OSBPL6: variants seen among roughly 807,000 people sequenced by gnomAD.
The protein encoded by OSBPL6 is oxysterol-binding protein-related protein 6.
OSBPL6 carries 49 observed loss-of-function variants against 125.8 expected under a neutral mutation model. That is an observed-to-expected ratio of 0.39 (90% CI 0.31 to 0.49). OSBPL6 has a LOEUF of 0.49. Among genes scored for constraint, OSBPL6 ranks in the 20% least tolerant of loss-of-function variants. The probability of loss-of-function intolerance (pLI) is 0.88; values close to 1 mark genes in which losing one functional copy is unlikely to be tolerated. For missense variants in OSBPL6, 986 were observed against 1,135.4 expected (o/e 0.87, Z 1.89); for synonymous variants, 394 against 391.8 (o/e 1.01, Z -0.07).
chr2:178,282,745 G>A (rs1434357117), intron 1 of OSBPL6, among the ~76,000 whole-genome samples: 2 of 152,114 alleles, frequency 1.3e-5, no homozygotes, highest in African/African-American at 2.4e-5. Flanking sequence ...TCTACCTCCC[G>A]GTTTCAAGCG....
At chr2:178,195,688 G>C (rs1188724268) in intron 1 of OSBPL6, among the ~76,000 whole-genome samples, 2 of 152,152 alleles carry the variant, frequency 1.3e-5, no homozygotes, top group African/African-American at 4.8e-5. Flanking sequence ...GAACCCACTG[G>C]GTTGCCAGAT....
At chr2:178,386,957 T>C (rs1694994199) in intron 19 of OSBPL6, 104 bp from the exon 20 acceptor site, 1 of 620,836 alleles carries the variant, frequency 1.6e-6, no homozygotes, top group African/African-American at 1.9e-5. Flanking sequence ...GAATCAGTTG[T>C]CATTCCAAAG....
At chr2:178,333,584 C>G (rs1689417662) in intron 8 of OSBPL6, among the ~76,000 whole-genome samples, 1 of 151,888 alleles carries the variant, frequency 6.6e-6, no homozygotes. Context: ...GTTAATTTTC[C>G]CTTTTATGAA....
rs191998092 is a variant in OSBPL6, at chr2:178,239,644, G to T, written c.-351+44970G>T. Among the ~76,000 whole-genome samples, 70 of 134,442 alleles carry T rather than the reference G, an allele frequency of 5.2e-4. No individual in the cohort carries two copies. In the East Asian group the frequency reaches 0.01, roughly 19 times the overall value. The allele number at this position is 134,442 out of a possible 152,430, so 88.2% of individuals were successfully genotyped here. On this transcript the variant is annotated intron_variant, in intron 1 of 24. Coordinates refer to ENST00000190611, the MANE Select transcript of OSBPL6 (RefSeq NM_032523.4). ...TATTTATTTATTTATTTATTTATTT[G>T]CGATGGAGTCTCGCTCTGTCGCCCA...
intron 1 of OSBPL6, among the ~76,000 whole-genome samples, chr2:178,271,605 CTG>C (rs771695969): frequency 1.3e-5 from 2 of 152,272 alleles, no homozygotes; most frequent in East Asian, 1.9e-4. Flanking sequence ...ATTTCAAAAA[CTG>C]TATAATTTAT....
intron 1 of OSBPL6, among the ~76,000 whole-genome samples, chr2:178,195,126 G>A (rs966818288): frequency 2.0e-5 from 3 of 152,184 alleles, no homozygotes; most frequent in Non-Finnish European, 2.9e-5. Flanking sequence ...GCCCGCGCCC[G>A]CGAGAGCTAA....
chr2:178,240,294 C>T (rs570958456), intron 1 of OSBPL6, among the ~76,000 whole-genome samples: 6 of 152,186 alleles, frequency 3.9e-5, no homozygotes, highest in East Asian at 1.9e-4. Context: ...AGTCTGGGTG[C>T]GGTGGCTCAC....
rs895908858 is a variant in OSBPL6, at chr2:178,389,044, C to T, written c.2192C>T (p.Thr731Ile). ...TACTATGTGTGGAATAAAGTCACCA[C>T]TTGCATACACAACATCCTCAGTGGG... ...GDYYVWNKVT[T>I]CIHNILSGRR... The change falls in exon 21 of 25, where the codon ACT becomes ATT. Residue 731 changes from threonine (T) to isoleucine (I), a missense_variant. Physicochemically the swap from Thr to Ile is moderately conservative, Grantham distance 89. Coordinates refer to ENST00000190611, the MANE Select transcript of OSBPL6 (RefSeq NM_032523.4). The T allele has an allele frequency of 6.2e-7, 1 of 1,613,982 alleles. No homozygotes were observed. Among genetic ancestry groups the T allele is most frequent in the Non-Finnish European group, 8.5e-7 (1 of 1,179,954 alleles).
At position 178,222,353 on chromosome 2, in the gene OSBPL6, A is replaced by G. The variant is rs1466938119; in HGVS notation, c.-351+27679A>G. Among the ~76,000 whole-genome samples the G allele has an allele frequency of 7.2e-5, 11 of 152,224 alleles. No homozygotes were observed. The South Asian group carries it at 1.2e-3, about 17-fold the overall frequency. ...AAAACAAAGGTTTGCTGATAAAATA[A>G]AACAGAATCGGCTGGGCGCGGTGGC... On this transcript the variant is annotated intron_variant, in intron 1 of 24. Transcript: ENST00000190611.
intron 1 of OSBPL6, among the ~76,000 whole-genome samples, chr2:178,257,222 A>T (rs1204355073): frequency 3.3e-5 from 5 of 152,124 alleles, no homozygotes; most frequent in Non-Finnish European, 7.3e-5. Flanking sequence ...AACTATAAAC[A>T]TGAATTATCC....
intron 3 of OSBPL6, among the ~76,000 whole-genome samples, chr2:178,323,115 C>T (rs528785921): frequency 9.2e-5 from 14 of 152,086 alleles, no homozygotes; most frequent in East Asian, 1.9e-4. Context: ...TTTTTTCCCC[C>T]GCAAGGGCTT....
intron 2 of OSBPL6, among the ~76,000 whole-genome samples, chr2:178,302,294 C>G (rs76151228): frequency 0.028 from 4,275 of 152,240 alleles, 188 homozygotes; most frequent in African/African-American, 0.097. Flanking sequence ...CAATACGTTT[C>G]TCATTGAGTA....
intron 1 of OSBPL6, among the ~76,000 whole-genome samples, chr2:178,283,991 A>G (rs1307444422): frequency 6.6e-6 from 1 of 152,200 alleles, no homozygotes; most frequent in Non-Finnish European, 1.5e-5. Flanking sequence ...CGGGGATCAT[A>G]TTTCAACATG....
At chr2:178,395,389 G>T in intron 24 of OSBPL6, 62 bp from the exon 25 acceptor site, 1 of 1,130,700 alleles carries the variant, frequency 8.8e-7, no homozygotes, top group African/African-American at 1.5e-5. Flanking sequence ...TATAGGAGAG[G>T]GTCCTATTTA....
chr2:178,219,570 G>C (rs1380739257), intron 1 of OSBPL6, among the ~76,000 whole-genome samples: 2 of 152,142 alleles, frequency 1.3e-5, no homozygotes, highest in African/African-American at 4.8e-5. Context: ...TGTTGGGGAG[G>C]GAAACTGAAA....
intron 13 of OSBPL6, among the ~76,000 whole-genome samples, chr2:178,367,615 A>T (rs1692963144): frequency 6.6e-6 from 1 of 152,202 alleles, no homozygotes; most frequent in Admixed American, 6.5e-5. Context: ...TTAGTAGCTA[A>T]GGAGGTGGCA....
At chr2:178,264,964 TC>T (rs1336521281) in intron 1 of OSBPL6, among the ~76,000 whole-genome samples, 2 of 151,922 alleles carry the variant, frequency 1.3e-5, no homozygotes, top group African/African-American at 2.4e-5. Flanking sequence ...ATCATAGCCC[TC>T]TGCAGCCTCC....
chr2:178,371,917 A>C (rs1693428120), intron 13 of OSBPL6, among the ~76,000 whole-genome samples: 1 of 152,222 alleles, frequency 6.6e-6, no homozygotes, highest in Admixed American at 6.5e-5. Flanking sequence ...ACCAATCTGC[A>C]AAGTAGCAAT....
chr2:178,375,666 G>A (rs1039071196), intron 15 of OSBPL6, among the ~76,000 whole-genome samples: 5 of 151,974 alleles, frequency 3.3e-5, no homozygotes, highest in South Asian at 2.1e-4. Context: ...CAGGTGATCC[G>A]CCTGCCTCAG....
Sources: allele counts gnomAD v4.1 joint callset (sites outside exome capture counted in the v4.1 genomes callset), GRCh38; gene constraint gnomAD v4.1.1; transcripts MANE v1.5; gene names NCBI Gene and HGNC (gene_info 2026-07-23, HGNC 2026-07-21).